CACNA1E: variants seen among roughly 807,000 people sequenced by gnomAD.
The protein encoded by CACNA1E is voltage-dependent R-type calcium channel subunit alpha-1E.
A neutral mutation model predicts 259.2 loss-of-function variants in CACNA1E; 40 were observed. The observed-to-expected ratio is 0.15, with a 90% confidence interval of 0.12 to 0.20. The LOEUF (loss-of-function observed/expected upper bound fraction) is 0.20, where lower values mean the gene tolerates loss of function less well. CACNA1E is among the 10% of genes least tolerant of loss of function. The pLI is 1.00. For missense variants in CACNA1E, 1,874 were observed against 3,040.1 expected (o/e 0.62, Z 9.02); for synonymous variants, 1,104 against 1,138.5 (o/e 0.97, Z 0.61).
At position 181,660,950 on chromosome 1, in the gene CACNA1E, C is replaced by A. The variant is rs149193885; in HGVS notation, c.1055+9509C>A. Reference sequence around the variant, plus strand: ...CTAGGGATACCAGGTCAAACAAGGACAGAGAGCTGCTACCCCTCAACGGGT... The same window carrying A: ...CTAGGGATACCAGGTCAAACAAGGAAAGAGAGCTGCTACCCCTCAACGGGT... On this transcript the variant is annotated intron_variant, in intron 7 of 47. Transcript: ENST00000367573. 6.8e-3 allele frequency among the ~76,000 whole-genome samples: 1,042 copies of A among 152,286 alleles called. 10 individuals carry two copies. The highest frequency in any genetic ancestry group is 0.023 in the African/African-American group (965 of 41,552).
intron 39 of CACNA1E, among the ~76,000 whole-genome samples, chr1:181,782,334 T>C (rs932123482): frequency 2.0e-5 from 3 of 152,244 alleles, no homozygotes; most frequent in Non-Finnish European, 4.4e-5. Context: ...TCACTTGCCC[T>C]TGGGGTGCTC....
chr1:181,332,691 C>A (rs1651381818), intron 1 of CACNA1E, among the ~76,000 whole-genome samples: 1 of 152,166 alleles, frequency 6.6e-6, no homozygotes, highest in Admixed American at 6.6e-5. Flanking sequence ...GTAATTATAT[C>A]CCAGACTTGC....
At chr1:181,417,205 C>T (rs1408246402) in intron 2 of CACNA1E, among the ~76,000 whole-genome samples, 2 of 152,114 alleles carry the variant, frequency 1.3e-5, no homozygotes, top group East Asian at 1.9e-4. Context: ...ATCCCCTTCC[C>T]CAGTCATGTC....
Position 181,717,450 on chromosome 1 carries a change from G to T in CACNA1E, c.1525+148G>T, listed in dbSNP as rs72735227. On this transcript the variant is annotated intron_variant, in intron 11 of 47. Transcript: ENST00000367573. ...GGGAGGCCACATCGTCCTCAAGGGG[G>T]CTGGAGTATCTCATGACTGTTTCCA... The T allele has an allele frequency of 4.9e-3, 3,187 of 656,420 alleles. 19 individuals are homozygous for T. Among genetic ancestry groups the T allele is most frequent in the Non-Finnish European group, 5.9e-3 (2,176 of 367,468 alleles). The allele number at this position is 656,420 out of a possible 1,614,324, so 40.7% of individuals were successfully genotyped here. A position where few individuals can be genotyped will look rare whatever the true frequency, so the allele number is the denominator to read the frequency against.
chr1:181,484,306 C>T (rs978027426), intron 1 of CACNA1E, among the ~76,000 whole-genome samples: 1 of 152,200 alleles, frequency 6.6e-6, no homozygotes, highest in African/African-American at 2.4e-5. Context: ...GCCCCCTCCC[C>T]ACCCCTACTC....
At chr1:181,718,010 C>T (rs766476777) in intron 11 of CACNA1E, 45 bp from the exon 12 acceptor site, 6 of 937,096 alleles carry the variant, frequency 6.4e-6, no homozygotes, top group Non-Finnish European at 1.0e-5. Context: ...AGTGCATGAG[C>T]CCACCCCACA....
intron 3 of CACNA1E, among the ~76,000 whole-genome samples, chr1:181,566,686 G>A (rs1649863745): frequency 1.3e-5 from 2 of 152,200 alleles, no homozygotes; most frequent in African/African-American, 4.8e-5. Flanking sequence ...GTTTCAGGAA[G>A]AAAGAGAGAG....
chr1:181,660,199 A>T (rs936601034), intron 7 of CACNA1E, among the ~76,000 whole-genome samples: 1 of 152,232 alleles, frequency 6.6e-6, no homozygotes, highest in Non-Finnish European at 1.5e-5. Flanking sequence ...GAATGCATAG[A>T]GTGGCTCCCA....
At chr1:181,710,887 T>G in intron 7 of CACNA1E, 67 bp from the exon 8 acceptor site, 1 of 1,114,952 alleles carries the variant, frequency 9.0e-7, no homozygotes, top group Non-Finnish European at 1.4e-6. Flanking sequence ...CTCTGTTGCT[T>G]GATTCACTCT....
At chr1:181,795,767 A>AATATATATATATAT (rs72040839) in intron 46 of CACNA1E, among the ~76,000 whole-genome samples, 8,112 of 112,900 alleles carry the variant, frequency 0.072, 734 homozygotes, top group Middle Eastern at 0.14. Context: ...TTTTGCTTTA[A>AATATATATATATAT]ATATATATAT....
chr1:181,773,479 AAAAAG>A lies in CACNA1E; in HGVS notation c.5139+1256_5139+1260del, dbSNP rs140250388. On this transcript the variant is annotated intron_variant, in intron 37 of 47. Coordinates refer to ENST00000367573, the MANE Select transcript of CACNA1E (RefSeq NM_001205293.3). ...TTATGTATGTGAAAGGTTTTTCAGTAAAAAGAAAAGAATATACAACAGTATCTTAT... is the reference window on the plus strand; with the variant it reads ...TTATGTATGTGAAAGGTTTTTCAGTAAAAAGAATATACAACAGTATCTTAT... Among the ~76,000 whole-genome samples, 587 of 152,378 alleles carry A rather than the reference AAAAAG, an allele frequency of 3.9e-3. 5 individuals carry two copies. Among genetic ancestry groups the A allele is most frequent in the African/African-American group, 0.013 (553 of 41,592 alleles).
chr1:181,483,765 G>C lies in CACNA1E; in HGVS notation c.21G>C (p.Ala7=). Residue 7 remains alanine (A), a synonymous_variant, in exon 1 of 48, where the codon GCG becomes GCC. Transcript: ENST00000367573. MARFGE[A]VVARPGSGDG... ...TCAGGATGGCTCGCTTCGGGGAGGC[G>C]GTGGTCGCCAGGCCAGGGTCCGGCG... The C allele has an allele frequency of 6.2e-7, 1 of 1,609,206 alleles. No homozygotes were observed. Among genetic ancestry groups the C allele is most frequent in the Non-Finnish European group, 8.5e-7 (1 of 1,177,888 alleles).
intron 6 of CACNA1E, among the ~76,000 whole-genome samples, chr1:181,629,702 A>G (rs1656527681): frequency 6.6e-6 from 1 of 152,186 alleles, no homozygotes; most frequent in Admixed American, 6.5e-5. Flanking sequence ...AAGACAACAT[A>G]TAGAAATATG....
chr1:181,436,275 T>C (rs781297017), intron 2 of CACNA1E, among the ~76,000 whole-genome samples: 7 of 152,226 alleles, frequency 4.6e-5, no homozygotes, highest in Non-Finnish European at 7.3e-5. Context: ...AGAATGTAAA[T>C]TGATACAGCC....
At chr1:181,587,727 TAAAAAA>T (rs1169473427) in intron 6 of CACNA1E, among the ~76,000 whole-genome samples, 2 of 151,642 alleles carry the variant, frequency 1.3e-5, no homozygotes, top group Admixed American at 1.3e-4. Flanking sequence ...ACTAAAAATA[TAAAAAA>T]ATAGCCGGGC....
intron 25 of CACNA1E, among the ~76,000 whole-genome samples, chr1:181,747,502 T>C (rs923101335): frequency 2.7e-5 from 4 of 148,684 alleles, no homozygotes; most frequent in African/African-American, 1.0e-4. Flanking sequence ...ACCAAATAAA[T>C]AGAAAATAAA....
chr1:181,533,506 T>C (rs1012299802), intron 3 of CACNA1E, among the ~76,000 whole-genome samples: 4 of 151,858 alleles, frequency 2.6e-5, no homozygotes, highest in Non-Finnish European at 5.9e-5. Context: ...TTAATGACTA[T>C]ATTTTTATAA....
chr1:181,781,692 C>T (rs1660444792), intron 39 of CACNA1E, among the ~76,000 whole-genome samples, 169 bp downstream of exon 39: 1 of 152,158 alleles, frequency 6.6e-6, no homozygotes, highest in African/African-American at 2.4e-5. Flanking sequence ...GGAGGACGAA[C>T]TCATGAGACA....
intron 3 of CACNA1E, among the ~76,000 whole-genome samples, chr1:181,560,710 T>C (rs572238448): frequency 1.3e-5 from 2 of 152,318 alleles, no homozygotes; most frequent in South Asian, 4.1e-4. Flanking sequence ...AATTAAACCA[T>C]ATGATTCAGC....
Sources: gnomAD v4.1 joint callset for allele counts (sites outside exome capture counted in the v4.1 genomes callset) on GRCh38, gnomAD v4.1.1 for gene constraint, MANE v1.5 for transcripts, NCBI Gene and HGNC (gene_info 2026-07-23, HGNC 2026-07-21) for gene names.